Variants in NRXN3 observed in about 807,000 individuals in gnomAD.
NRXN3 encodes neurexin 3.
A neutral mutation model predicts 137.6 loss-of-function variants in NRXN3; 32 were observed. The observed-to-expected ratio is 0.23, with a 90% CI of 0.18 to 0.31. The LOEUF (loss-of-function observed/expected upper bound fraction) is 0.31, where lower values mean the gene tolerates loss of function less well. Among genes scored for constraint, NRXN3 ranks in the 10% least tolerant of loss-of-function variants. NRXN3 has a pLI of 1.00. For missense variants in NRXN3, 1,574 were observed against 2,062.5 expected (o/e 0.76, Z 4.59); for synonymous variants, 798 against 784.5 (o/e 1.02, Z -0.29).
chr14:79,047,560 T>A (rs995491441), intron 15 of NRXN3, among the ~76,000 whole-genome samples: 1 of 152,048 alleles, frequency 6.6e-6, no homozygotes, highest in Non-Finnish European at 1.5e-5. Context: ...GATATATATC[T>A]AAAAAAGGAC....
intron 15 of NRXN3, among the ~76,000 whole-genome samples, chr14:79,137,723 C>G (rs2058386231): frequency 6.6e-6 from 1 of 152,160 alleles, no homozygotes; most frequent in African/African-American, 2.4e-5. Context: ...ACCAGGATAT[C>G]ATAGCTTAAA....
intron 10 of NRXN3, among the ~76,000 whole-genome samples, chr14:78,864,334 T>G (rs2099080867): frequency 6.6e-6 from 1 of 152,184 alleles, no homozygotes; most frequent in Non-Finnish European, 1.5e-5. Flanking sequence ...TTTAACTCTA[T>G]GGATCTATAT....
chr14:78,469,151 G>A (rs151015283), intron 4 of NRXN3, among the ~76,000 whole-genome samples: 9 of 152,160 alleles, frequency 5.9e-5, no homozygotes, highest in African/African-American at 2.2e-4. Context: ...GGCCAATTAA[G>A]CTTAAATTTC....
At chr14:79,710,199 C>CTCTG (rs1311279399) in intron 19 of NRXN3, among the ~76,000 whole-genome samples, 2 of 152,018 alleles carry the variant, frequency 1.3e-5, no homozygotes, top group Admixed American at 6.6e-5. Context: ...TTTATTGAGT[C>CTCTG]TCTGTCTGCT....
chr14:78,448,825 G>A (rs76163286), intron 4 of NRXN3, among the ~76,000 whole-genome samples: 3,942 of 152,216 alleles, frequency 0.026, 165 homozygotes, highest in African/African-American at 0.083. Context: ...TCTTTATGAT[G>A]TATAAAGATG....
At chr14:78,246,363 A>G (rs1054598639) in intron 2 of NRXN3, among the ~76,000 whole-genome samples, 12 of 152,200 alleles carry the variant, frequency 7.9e-5, no homozygotes, top group Non-Finnish European at 1.8e-4. Context: ...TGCAATATGT[A>G]TATTTTAATA....
intron 16 of NRXN3, among the ~76,000 whole-genome samples, chr14:79,650,751 A>G (rs774463896): frequency 6.6e-6 from 1 of 152,178 alleles, no homozygotes; most frequent in Non-Finnish European, 1.5e-5. Context: ...CTACTTACAC[A>G]TCTTATTGAT....
At chr14:79,180,108 G>A (rs114196236) in intron 15 of NRXN3, among the ~76,000 whole-genome samples, 3,072 of 152,166 alleles carry the variant, frequency 0.02, 90 homozygotes, top group African/African-American at 0.069. Flanking sequence ...AAATTACCTC[G>A]CTGTCTCTGG....
chr14:79,037,909 C>G (rs1201421261), intron 15 of NRXN3, among the ~76,000 whole-genome samples: 1 of 152,026 alleles, frequency 6.6e-6, no homozygotes, highest in African/African-American at 2.4e-5. Context: ...GGACAAATGT[C>G]TCTGTTGGGT....
chr14:79,015,063 C>G (rs888203144), intron 15 of NRXN3, among the ~76,000 whole-genome samples: 1 of 152,118 alleles, frequency 6.6e-6, no homozygotes, highest in African/African-American at 2.4e-5. Flanking sequence ...CGCCTGTCTT[C>G]GCAATGTCCC....
chr14:79,282,234 A>C (rs984886846), intron 15 of NRXN3, among the ~76,000 whole-genome samples: 2 of 152,138 alleles, frequency 1.3e-5, no homozygotes, highest in Non-Finnish European at 2.9e-5. Context: ...TAAGACAGGA[A>C]AAAAAGAGGG....
chr14:78,981,308 A>C (rs148452041), intron 14 of NRXN3, among the ~76,000 whole-genome samples: 3 of 152,332 alleles, frequency 2.0e-5, no homozygotes, highest in Non-Finnish European at 4.4e-5. Flanking sequence ...GAAATACCTT[A>C]AGTTACTCTT....
At chr14:79,837,686 A>G (rs1018550436) in intron 20 of NRXN3, among the ~76,000 whole-genome samples, 1 of 152,142 alleles carries the variant, frequency 6.6e-6, no homozygotes, top group Non-Finnish European at 1.5e-5. Flanking sequence ...TACAAGTGTC[A>G]AAGTTTTTCT....
At chr14:79,186,948 C>G (rs2063610176) in intron 15 of NRXN3, among the ~76,000 whole-genome samples, 1 of 152,144 alleles carries the variant, frequency 6.6e-6, no homozygotes, top group South Asian at 2.1e-4. Context: ...TTTCTCTGCT[C>G]CTAATAGCTC....
In NRXN3 at chr14:78,810,354, C is replaced by A; in HGVS notation, c.2275+10C>A. The A allele has an allele frequency of 7.0e-7, 1 of 1,427,614 alleles. No individual in the cohort carries two copies. 88.4% of individuals were successfully genotyped at this position (1,427,614 alleles called of 1,614,324 possible). Reference sequence around the variant, plus strand: ...ATAAACTGTAACTCCAGTAAGTTTTCCCTCAAGTTTCATTTTGTTCTTTAA... The same window carrying A: ...ATAAACTGTAACTCCAGTAAGTTTTACCTCAAGTTTCATTTTGTTCTTTAA... On this transcript the variant is annotated intron_variant, in intron 10 of 20. Transcript: ENST00000335750.
chr14:79,681,973 T>C (rs184299060), intron 17 of NRXN3, among the ~76,000 whole-genome samples: 19 of 152,252 alleles, frequency 1.2e-4, no homozygotes, highest in African/African-American at 3.6e-4. Context: ...TTTTTTTCCT[T>C]TTTTTCTCTA....
At chr14:79,012,680 A>G (rs574383950) in intron 15 of NRXN3, among the ~76,000 whole-genome samples, 27 of 152,280 alleles carry the variant, frequency 1.8e-4, no homozygotes, top group Non-Finnish European at 3.5e-4. Context: ...TCCCCAGAAG[A>G]CCATCTGGAT....
At chr14:78,958,786 A>G (rs1019060045) in intron 11 of NRXN3, among the ~76,000 whole-genome samples, 7 of 152,218 alleles carry the variant, frequency 4.6e-5, no homozygotes, top group African/African-American at 1.4e-4. Flanking sequence ...CACTGTTGCC[A>G]TCAGATCTGG....
intron 6 of NRXN3, among the ~76,000 whole-genome samples, chr14:78,665,704 C>T (rs2097879620): frequency 2.0e-5 from 3 of 152,112 alleles, no homozygotes; most frequent in African/African-American, 7.2e-5. Flanking sequence ...CCATTCCAAT[C>T]CAAGGAAGCT....
Sources: allele counts gnomAD v4.1 joint callset (sites outside exome capture counted in the v4.1 genomes callset), GRCh38; gene constraint gnomAD v4.1.1; transcripts MANE v1.5; gene names NCBI Gene and HGNC (gene_info 2026-07-23, HGNC 2026-07-21).